INPP4A: variants seen among roughly 807,000 people sequenced by gnomAD.
The protein encoded by INPP4A is inositol polyphosphate-4-phosphatase type I A, also known as inositol polyphosphate-4-phosphatase, type I, 107kD.
In INPP4A, 33 loss-of-function variants were observed where a neutral mutation model predicts 119.8. That is an observed-to-expected ratio of 0.28 (90% CI 0.21 to 0.37). The LOEUF is 0.37. Ranked by LOEUF, INPP4A falls within the 10% of genes least tolerant of loss-of-function variation. The pLI, the probability that INPP4A is intolerant of heterozygous loss-of-function variation, is 1.00. For missense variants in INPP4A, 956 were observed against 1,289.9 expected, an observed-to-expected ratio of 0.74 and a Z score of 3.97; for synonymous variants, 496 against 500.7, an observed-to-expected ratio of 0.99 and a Z score of 0.12.
intron 4 of INPP4A, among the ~76,000 whole-genome samples, chr2:98,522,300 A>AG (rs1687367954): frequency 1.3e-5 from 2 of 151,542 alleles, no homozygotes; most frequent in Admixed American, 1.3e-4. Flanking sequence ...AAAAAAAAAA[A>AG]AAAGAAAGAA....
At position 98,572,928 on chromosome 2, in the gene INPP4A, G is replaced by GTACT; in HGVS notation, c.2631+2_2631+5dup. On this transcript the variant is annotated splice_donor_variant, in intron 23 of 24. Transcript: ENST00000409851. LOFTEE classifies it high-confidence loss of function. ...CGACATTCTCTGGCAAGCTGCTGAG[G>GTACT]TACTGGTTACAGAGAGGAAAAGGAG... 6.4e-7 allele frequency: 1 copy of GTACT among 1,564,224 alleles called. No homozygotes were observed. The highest frequency in any genetic ancestry group is 8.7e-7 in the Non-Finnish European group (1 of 1,153,814).
intron 19 of INPP4A, among the ~76,000 whole-genome samples, 168 bp from the exon 20 acceptor site, chr2:98,565,472 C>T (rs1048748392): frequency 6.6e-5 from 10 of 152,198 alleles, no homozygotes; most frequent in Non-Finnish European, 1.5e-5. Flanking sequence ...ATTGTTGACT[C>T]ACAGAGGAGT....
chr2:98,509,450 C>T (rs900814141), intron 1 of INPP4A, among the ~76,000 whole-genome samples: 1 of 152,194 alleles, frequency 6.6e-6, no homozygotes, highest in African/African-American at 2.4e-5. Context: ...GGAACAGTTT[C>T]GTCGCGAAAC....
At chr2:98,545,869 T>C (rs1692389642) in intron 11 of INPP4A, 100 bp from the exon 12 acceptor site, 5 of 795,556 alleles carry the variant, frequency 6.3e-6, no homozygotes, top group Middle Eastern at 2.4e-4. Context: ...ACATACCTGC[T>C]TATATGCCAC....
intron 1 of INPP4A, among the ~76,000 whole-genome samples, chr2:98,509,857 G>T (rs1241111856): frequency 2.6e-5 from 4 of 152,230 alleles, no homozygotes; most frequent in Non-Finnish European, 4.4e-5. Flanking sequence ...ACCACAAGGA[G>T]CTGAGCTGCA....
intron 7 of INPP4A, among the ~76,000 whole-genome samples, chr2:98,536,887 G>A (rs1291044615): frequency 6.6e-6 from 1 of 152,210 alleles, no homozygotes; most frequent in Non-Finnish European, 1.5e-5. Context: ...TGTCTAATCA[G>A]TGGACAGGAT....
intron 1 of INPP4A, among the ~76,000 whole-genome samples, chr2:98,489,579 G>C (rs972807448): frequency 6.6e-6 from 1 of 152,134 alleles, no homozygotes; most frequent in East Asian, 1.9e-4. Flanking sequence ...GCAGTATAGG[G>C]TCTTTTATCC....
At chr2:98,452,172 C>T (rs886100256) in intron 1 of INPP4A, among the ~76,000 whole-genome samples, 1 of 152,226 alleles carries the variant, frequency 6.6e-6, no homozygotes, top group African/African-American at 2.4e-5. Flanking sequence ...ACAGTGTCTA[C>T]CAGTCCTTCC....
intron 1 of INPP4A, among the ~76,000 whole-genome samples, chr2:98,451,393 A>C (rs1695200259): frequency 6.6e-6 from 1 of 152,116 alleles, no homozygotes; most frequent in African/African-American, 2.4e-5. Context: ...TTTCTGGAAT[A>C]GGGTCAGGAA....
chr2:98,557,135 A>AT (rs573601545), intron 16 of INPP4A, among the ~76,000 whole-genome samples: 23 of 151,826 alleles, frequency 1.5e-4, no homozygotes, highest in African/African-American at 5.3e-4. Context: ...CTTAAGTGTC[A>AT]TTTTTTTTCT....
chr2:98,477,484 C>T (rs531781217), intron 1 of INPP4A, among the ~76,000 whole-genome samples: 22 of 152,318 alleles, frequency 1.4e-4, no homozygotes, highest in South Asian at 4.1e-4. Context: ...TACTTGGACA[C>T]CATGTTACCA....
intron 11 of INPP4A, 118 bp from the exon 12 acceptor site, chr2:98,545,851 C>T (rs1317816549): frequency 3.0e-6 from 2 of 677,674 alleles, no homozygotes; most frequent in African/African-American, 3.7e-5. Context: ...TCTTCTAGGC[C>T]ACTGCCGACA....
rs559339865 is a variant in INPP4A, at chr2:98,591,132, C to T, written c.*3524C>T. ...GGTTTATGTAGTCACATATACCTGT[C>T]TTTCATTTTGATGCTTGTTCTGAAA... On this transcript the variant is annotated 3_prime_UTR_variant, in exon 25 of 25. Coordinates refer to ENST00000409851, the MANE Select transcript of INPP4A (RefSeq NM_001134225.2). 205 of 186,704 alleles carry T rather than the reference C, an allele frequency of 1.1e-3. 1 individual carries two copies. Among genetic ancestry groups the T allele is most frequent in the Admixed American group, 5.1e-3 (82 of 16,124 alleles). 11.6% of individuals were successfully genotyped at this position (186,704 alleles called of 1,614,324 possible).
At chr2:98,517,789 A>G (rs1686429340) in intron 1 of INPP4A, among the ~76,000 whole-genome samples, 1 of 152,216 alleles carries the variant, frequency 6.6e-6, no homozygotes, top group Admixed American at 6.5e-5. Flanking sequence ...GTTCTATACT[A>G]TTGGCAAGAG....
intron 1 of INPP4A, among the ~76,000 whole-genome samples, chr2:98,452,707 C>T (rs6739013): frequency 6.6e-6 from 1 of 152,166 alleles, no homozygotes; most frequent in Non-Finnish European, 1.5e-5. Context: ...TCAAGCTTCT[C>T]CAGCTCCTCC....
chr2:98,521,826 C>CT (rs1687255511), intron 4 of INPP4A: 1 of 151,240 alleles, frequency 6.6e-6, no homozygotes, highest in Non-Finnish European at 1.5e-5. Context: ...TTGCCAGCTA[C>CT]TAAGGAGGCT....
At chr2:98,510,941 A>G (rs1052700656) in intron 1 of INPP4A, among the ~76,000 whole-genome samples, 3 of 152,260 alleles carry the variant, frequency 2.0e-5, no homozygotes, top group Admixed American at 6.5e-5. Flanking sequence ...ATGGAAAGCC[A>G]GAGATAAATG....
At chr2:98,472,608 C>T (rs1034416239) in intron 1 of INPP4A, among the ~76,000 whole-genome samples, 1 of 152,244 alleles carries the variant, frequency 6.6e-6, no homozygotes, top group Admixed American at 6.5e-5. Context: ...GAGGGAGAGG[C>T]CACAGCACAT....
At chr2:98,448,068 AAT>A in intron 1 of INPP4A, among the ~76,000 whole-genome samples, 1 of 150,780 alleles carries the variant, frequency 6.6e-6, no homozygotes, top group South Asian at 2.1e-4. Flanking sequence ...AAAAAAAAAA[AAT>A]CATGGCCGGG....
Sources: allele counts gnomAD v4.1 joint callset (sites outside exome capture counted in the v4.1 genomes callset), GRCh38; gene constraint gnomAD v4.1.1; transcripts MANE v1.5; gene names NCBI Gene and HGNC (gene_info 2026-07-23, HGNC 2026-07-21).